Variants in TTC7A observed in about 807,000 individuals in gnomAD.
TTC7A encodes tetratricopeptide repeat protein 7A.
In TTC7A, 110 loss-of-function variants were observed where a neutral mutation model predicts 103.7. That is an observed-to-expected ratio of 1.06 (90% CI 0.91 to 1.24). The LOEUF (loss-of-function observed/expected upper bound fraction) is 1.24, where lower values mean the gene tolerates loss of function less well. Among genes scored for constraint, TTC7A ranks in the 50% most tolerant of loss-of-function variants. TTC7A has a pLI of 0.00. For synonymous variants in TTC7A, 521 were observed against 467.9 expected, an observed-to-expected ratio of 1.11 and a Z score of -1.47; for missense variants, 1,340 against 1,116.3, an observed-to-expected ratio of 1.20 and a Z score of -2.86.
intron 4 of TTC7A, among the ~76,000 whole-genome samples, chr2:46,976,370 G>T (rs1283276028): frequency 6.6e-6 from 1 of 152,212 alleles, no homozygotes; most frequent in African/African-American, 2.4e-5. Flanking sequence ...AAGATATTGG[G>T]GATGATGCTC....
rs571303501 is a variant in TTC7A, at chr2:46,994,148, G to A, written c.844-209G>A. On this transcript the variant is annotated intron_variant, in intron 6 of 19. Coordinates refer to ENST00000319190, the MANE Select transcript of TTC7A (RefSeq NM_020458.4). The stretch of plus-strand genomic sequence containing the variant: ...GAAGAGAAAAGATGAGGTAGGAGCC[G>A]TCTGAGGCCAGCAGAGGGGTGGGAG... The A allele has an allele frequency of 1.9e-4, 111 of 591,324 alleles. 1 individual carries two copies. The East Asian group carries it at 2.5e-3, about 14-fold the overall frequency. 36.6% of individuals were successfully genotyped at this position (591,324 alleles called of 1,614,324 possible).
intron 6 of TTC7A, among the ~76,000 whole-genome samples, chr2:46,993,774 C>T (rs1272866165): frequency 6.6e-6 from 1 of 152,150 alleles, no homozygotes; most frequent in Non-Finnish European, 1.5e-5. Flanking sequence ...GCCAGCGCTT[C>T]CCTGGGCAAA....
intron 16 of TTC7A, among the ~76,000 whole-genome samples, chr2:47,048,424 G>A (rs898128087): frequency 6.6e-6 from 1 of 152,082 alleles, no homozygotes; most frequent in African/African-American, 2.4e-5. Context: ...CCTGCACCAG[G>A]ATCTGCCCAT....
chr2:47,006,531 C>G, intron 9 of TTC7A, 110 bp from the exon 10 acceptor site: 1 of 967,306 alleles, frequency 1.0e-6, no homozygotes, highest in Non-Finnish European at 1.6e-6. Context: ...TGCGGGCCTC[C>G]TGCAGCCTCC....
At chr2:46,929,399 G>A (rs994056467) in intron 2 of TTC7A, among the ~76,000 whole-genome samples, 1 of 152,106 alleles carries the variant, frequency 6.6e-6, no homozygotes, top group African/African-American at 2.4e-5. Context: ...AGGCAGGATT[G>A]CTTGAGCCCA....
At position 47,021,826 on chromosome 2, in the gene TTC7A, C is replaced by T. The variant is rs775035619; in HGVS notation, c.1393-36C>T. ...CATTCACTGGTAGAGGAAACTCCAA[C>T]CCCACCTCCATGACCTCTGTCTCTC... is the stretch of plus-strand genomic sequence containing the variant. On this transcript the variant is annotated intron_variant, in intron 11 of 19. Transcript: ENST00000319190. 3.0e-5 allele frequency: 47 copies of T among 1,572,904 alleles called. No individual in the cohort carries two copies. In the Admixed American group the frequency reaches 3.3e-4, roughly 11 times the overall value.
chr2:47,068,430 A>C (rs1039441492), intron 19 of TTC7A: 15 of 152,034 alleles, frequency 9.9e-5, no homozygotes, highest in African/African-American at 3.6e-4. Flanking sequence ...ATGAGAGGAC[A>C]TGGAATCTTG....
chr2:46,939,691 G>C (rs1670171787), upstream of TTC7A, among the ~76,000 whole-genome samples: 1 of 152,194 alleles, frequency 6.6e-6, no homozygotes, highest in Admixed American at 6.5e-5. Flanking sequence ...CCCCAGGGCT[G>C]ACTCCCAGGA....
chr2:47,043,841 G>A (rs557072092), intron 15 of TTC7A, among the ~76,000 whole-genome samples: 5 of 152,338 alleles, frequency 3.3e-5, no homozygotes, highest in African/African-American at 9.6e-5. Flanking sequence ...GCCTTTGGTA[G>A]AACTTACTGT....
In TTC7A at chr2:47,039,217, G is replaced by T. The variant is rs2104655986; in HGVS notation, c.1803-7098G>T. 2.0e-5 allele frequency among the ~76,000 whole-genome samples: 3 copies of T among 152,364 alleles called. No individual in the cohort carries two copies. The South Asian group carries it at 6.2e-4, about 32-fold the overall frequency. The stretch of plus-strand genomic sequence containing the variant: ...CTGAAGGCCCTGTCTCAACAGGGAA[G>T]TGGCTCCCTTATGTACATGGTGGTT... On this transcript the variant is annotated intron_variant, in intron 15 of 19. Coordinates refer to ENST00000319190, the MANE Select transcript of TTC7A (RefSeq NM_020458.4).
intron 11 of TTC7A, among the ~76,000 whole-genome samples, chr2:47,021,141 A>G (rs1376122225): frequency 6.6e-6 from 1 of 152,130 alleles, no homozygotes; most frequent in Non-Finnish European, 1.5e-5. Context: ...ACACTACCAC[A>G]CCAGGCATGC....
At chr2:46,957,224 TCAA>T (rs1289697242) in intron 3 of TTC7A, among the ~76,000 whole-genome samples, 1 of 152,218 alleles carries the variant, frequency 6.6e-6, no homozygotes, top group African/African-American at 2.4e-5. Flanking sequence ...CCTGGCTCTG[TCAA>T]CAACAATTAC....
intron 2 of TTC7A, among the ~76,000 whole-genome samples, chr2:46,924,635 T>C (rs1176069009): frequency 6.6e-6 from 1 of 152,164 alleles, no homozygotes; most frequent in African/African-American, 2.4e-5. Context: ...TCTTTTTTTT[T>C]TTTCCCCTGG....
At chr2:46,929,474 AC>A (rs1345421779) in intron 2 of TTC7A, among the ~76,000 whole-genome samples, 1 of 152,160 alleles carries the variant, frequency 6.6e-6, no homozygotes, top group Non-Finnish European at 1.5e-5. Context: ...ACAGAGCACG[AC>A]CCTGTCTCAA....
chr2:46,996,941 G>A (rs1490599629), intron 8 of TTC7A, among the ~76,000 whole-genome samples: 1 of 151,806 alleles, frequency 6.6e-6, no homozygotes, highest in Non-Finnish European at 1.5e-5. Flanking sequence ...CATCTGTCTG[G>A]AAACACAGAG....
intron 8 of TTC7A, among the ~76,000 whole-genome samples, chr2:47,003,051 G>A (rs571581010): frequency 1.6e-4 from 24 of 152,134 alleles, no homozygotes; most frequent in Non-Finnish European, 2.6e-4. Flanking sequence ...CCTAATTAAC[G>A]CCCGGTTCTG....
At chr2:46,971,300 A>G (rs1197454316) in intron 3 of TTC7A, among the ~76,000 whole-genome samples, 1 of 152,182 alleles carries the variant, frequency 6.6e-6, no homozygotes. Context: ...TTTGTAGAGG[A>G]GGTGGCATTT....
At chr2:46,999,657 C>G in intron 8 of TTC7A, 1 of 985,434 alleles carries the variant, frequency 1.0e-6, no homozygotes, top group Non-Finnish European at 1.2e-6. Flanking sequence ...GAACCTCAAA[C>G]GTAAATTCTT....
In TTC7A at chr2:46,950,485, A is replaced by G; in HGVS notation, c.307A>G (p.Lys103Glu). The G allele has an allele frequency of 6.2e-7, 1 of 1,614,114 alleles. No individual in the cohort carries two copies. Among genetic ancestry groups the G allele is most frequent in the Non-Finnish European group, 8.5e-7 (1 of 1,179,974 alleles). The change falls in exon 2 of 20, where the codon AAA becomes GAA. Residue 103 changes from lysine (K) to glutamate (E), a missense_variant. Lys to Glu is a moderately conservative substitution (Grantham distance 56). Coordinates refer to ENST00000319190, the MANE Select transcript of TTC7A (RefSeq NM_020458.4). ...GAATGAGCCGAAGATGAGCGAAGCC[A>G]AAAATTATCTAAGCAGTATCCTTAA... Reference protein sequence around the residue: ...EKNEPKMSEAKNYLSSILNHG... With the variant: ...EKNEPKMSEAENYLSSILNHG...
Sources: gnomAD v4.1 joint callset for allele counts (sites outside exome capture counted in the v4.1 genomes callset) on GRCh38, gnomAD v4.1.1 for gene constraint, MANE v1.5 for transcripts, NCBI Gene and HGNC (gene_info 2026-07-23, HGNC 2026-07-21) for gene names.